Variants in STARD13 observed in about 807,000 individuals in gnomAD.
STARD13 encodes the protein StAR related lipid transfer domain containing 13, also known as stAR-related lipid transfer protein 13.
STARD13 carries 62 observed loss-of-function variants against 106.4 expected under a neutral mutation model. That is an observed-to-expected ratio of 0.58 (90% CI 0.48 to 0.72). STARD13 has a LOEUF of 0.72. STARD13 is among the 30% of genes least tolerant of loss of function. The pLI is 0.00. For missense variants in STARD13, 1,387 were observed against 1,424.0 expected, an observed-to-expected ratio of 0.97 and a Z score of 0.42; for synonymous variants, 565 against 553.0, an observed-to-expected ratio of 1.02 and a Z score of -0.31.
the STARD13 span, among the ~76,000 whole-genome samples, chr13:33,527,320 CA>C: frequency 1.3e-5 from 2 of 151,920 alleles, no homozygotes; most frequent in African/African-American, 4.8e-5. Context: ...CCTTCCCCCA[CA>C]CAAAAAATTT....
the STARD13 span, among the ~76,000 whole-genome samples, chr13:33,539,042 T>A: frequency 6.6e-6 from 1 of 152,188 alleles, no homozygotes; most frequent in Non-Finnish European, 1.5e-5. Flanking sequence ...GTGCTGGGAT[T>A]ATAGGCGTGA....
the STARD13 span, among the ~76,000 whole-genome samples, chr13:33,579,379 G>A: frequency 6.6e-6 from 1 of 152,120 alleles, no homozygotes; most frequent in Middle Eastern, 3.4e-3. Flanking sequence ...TATTCTAAGT[G>A]AAGTGACTCA....
At chr13:33,240,388 A>G (rs1889412141) in intron 1 of STARD13, among the ~76,000 whole-genome samples, 1 of 152,088 alleles carries the variant, frequency 6.6e-6, no homozygotes. Flanking sequence ...TCCCACATCC[A>G]TTTTAGAATT....
At chr13:33,421,368 C>T in the STARD13 span, among the ~76,000 whole-genome samples, 30 of 152,282 alleles carry the variant, frequency 2.0e-4, no homozygotes, top group African/African-American at 7.0e-4. Context: ...AATTCCTGGA[C>T]ACATCCACCC....
intron 1 of STARD13, among the ~76,000 whole-genome samples, chr13:33,265,108 C>G (rs1401602947): frequency 6.6e-6 from 1 of 152,172 alleles, no homozygotes; most frequent in African/African-American, 2.4e-5. Flanking sequence ...CACACAAACT[C>G]TGTTTCCTGA....
At chr13:33,647,654 A>G in the STARD13 span, among the ~76,000 whole-genome samples, 1 of 152,206 alleles carries the variant, frequency 6.6e-6, no homozygotes, top group Non-Finnish European at 1.5e-5. Context: ...TGACATATCT[A>G]GGTTGTTGAA....
the STARD13 span, among the ~76,000 whole-genome samples, chr13:33,411,568 C>G: frequency 2.6e-5 from 4 of 152,038 alleles, no homozygotes; most frequent in Non-Finnish European, 2.9e-5. Flanking sequence ...AGGCTCCCAC[C>G]GAGAAACAAG....
At chr13:33,353,933 G>A (rs1284972323), upstream of STARD13, among the ~76,000 whole-genome samples, 2 of 152,186 alleles carry the variant, frequency 1.3e-5, no homozygotes, top group African/African-American at 2.4e-5. Context: ...AACAGTCCCA[G>A]ACAGTTATGA....
At position 33,163,662 on chromosome 13, in the gene STARD13, TATATATAAC is replaced by T. The variant is rs1245194221; in HGVS notation, c.323+1666_323+1674del. Among the ~76,000 whole-genome samples the T allele has an allele frequency of 6.5e-3, 661 of 101,746 alleles. 6 individuals are homozygous for T. Among genetic ancestry groups the T allele is most frequent in the African/African-American group, 0.039 (624 of 16,184 alleles). 66.7% of individuals were successfully genotyped at this position (101,746 alleles called of 152,430 possible). A position where few individuals can be genotyped will look rare whatever the true frequency, so the allele number is the denominator to read the frequency against. ...ATAACATATATATATATAAAACATA[TATATATAAC>T]ATATATATAAAACATATATATATAT... On this transcript the variant is annotated intron_variant, in intron 3 of 13. Transcript: ENST00000336934.
At chr13:33,604,578 C>T in the STARD13 span, among the ~76,000 whole-genome samples, 1 of 152,010 alleles carries the variant, frequency 6.6e-6, no homozygotes, top group Non-Finnish European at 1.5e-5. Context: ...AGGCAGATCA[C>T]CTGAGGTCAG....
At chr13:33,322,434 A>T (rs995454708) in intron 1 of STARD13, among the ~76,000 whole-genome samples, 16 of 152,232 alleles carry the variant, frequency 1.1e-4, no homozygotes, top group African/African-American at 3.6e-4. Flanking sequence ...TAAGTACATT[A>T]AAAAATGTAT....
At chr13:33,338,024 C>T (rs2138582305) in intron 1 of STARD13, among the ~76,000 whole-genome samples, 1 of 152,338 alleles carries the variant, frequency 6.6e-6, no homozygotes, top group East Asian at 1.9e-4. Flanking sequence ...GAGGAGTTTG[C>T]AGGCTCCGGA....
At chr13:33,256,049 T>C (rs1020475434) in intron 1 of STARD13, among the ~76,000 whole-genome samples, 1 of 152,244 alleles carries the variant, frequency 6.6e-6, no homozygotes, top group Non-Finnish European at 1.5e-5. Context: ...ATGTGTTCAT[T>C]AATGAAGCCT....
the STARD13 span, among the ~76,000 whole-genome samples, chr13:33,524,077 T>C: frequency 6.6e-6 from 1 of 152,164 alleles, no homozygotes; most frequent in South Asian, 2.1e-4. Context: ...TTTCTCATGT[T>C]GTAATGAAAC....
chr13:33,480,307 GAAC>G, the STARD13 span, among the ~76,000 whole-genome samples: 1 of 152,130 alleles, frequency 6.6e-6, no homozygotes, highest in East Asian at 1.9e-4. Context: ...CAGAATTATA[GAAC>G]AATATTAAAT....
At chr13:33,424,071 TA>T in the STARD13 span, among the ~76,000 whole-genome samples, 1 of 151,998 alleles carries the variant, frequency 6.6e-6, no homozygotes, top group Non-Finnish European at 1.5e-5. Flanking sequence ...TGTGCACATG[TA>T]CCCTAGTACT....
chr13:33,422,202 A>G, the STARD13 span, among the ~76,000 whole-genome samples: 2 of 152,192 alleles, frequency 1.3e-5, no homozygotes, highest in Admixed American at 6.6e-5. Context: ...AAACCCCATC[A>G]TCTCAGCCCA....
the STARD13 span, chr13:33,524,168 G>T: frequency 3.5e-6 from 3 of 863,930 alleles, no homozygotes; most frequent in Non-Finnish European, 4.5e-6. Flanking sequence ...TTTTTACCTT[G>T]GTGAATTACA....
the STARD13 span, among the ~76,000 whole-genome samples, chr13:33,473,565 G>T: frequency 6.6e-6 from 1 of 152,156 alleles, no homozygotes; most frequent in Non-Finnish European, 1.5e-5. Flanking sequence ...TTGGCTTTCT[G>T]TGTATATAGG....
Sources: gnomAD v4.1 joint callset for allele counts (sites outside exome capture counted in the v4.1 genomes callset) on GRCh38, gnomAD v4.1.1 for gene constraint, MANE v1.5 for transcripts, NCBI Gene and HGNC (gene_info 2026-07-23, HGNC 2026-07-21) for gene names.